Variants in ZNF892 observed in about 807,000 individuals in gnomAD.
ZNF892 encodes zinc finger protein 570-like.
chr2:95,209,190 A>C, the ZNF892 span, among the ~76,000 whole-genome samples: 1 of 152,204 alleles, frequency 6.6e-6, no homozygotes, highest in Non-Finnish European at 1.5e-5. Context: ...TTTGAAAAAC[A>C]AGAGAGAGTG....
chr2:95,240,862 A>G, the ZNF892 span, among the ~76,000 whole-genome samples: 3 of 152,156 alleles, frequency 2.0e-5, no homozygotes, highest in African/African-American at 7.2e-5. Flanking sequence ...GTCCCCCACA[A>G]TGCAGCATAG....
At chr2:95,224,991 T>A in the ZNF892 span, among the ~76,000 whole-genome samples, 2 of 152,190 alleles carry the variant, frequency 1.3e-5, no homozygotes, top group African/African-American at 2.4e-5. Flanking sequence ...GCTCCTTGAT[T>A]TTGGACTTCC....
the ZNF892 span, among the ~76,000 whole-genome samples, chr2:95,210,316 G>A: frequency 6.6e-6 from 1 of 151,568 alleles, no homozygotes; most frequent in African/African-American, 2.4e-5. Context: ...TTAAAGAGCG[G>A]TAAAACTGAT....
chr2:95,252,709 G>A, the ZNF892 span, among the ~76,000 whole-genome samples: 1 of 152,114 alleles, frequency 6.6e-6, no homozygotes, highest in African/African-American at 2.4e-5. Flanking sequence ...CCAACAGTGT[G>A]AAAGTGTTCC....
At chr2:95,249,377 A>T in the ZNF892 span, among the ~76,000 whole-genome samples, 5 of 146,692 alleles carry the variant, frequency 3.4e-5, no homozygotes, top group African/African-American at 5.0e-5. Context: ...AGTAGCTGGG[A>T]TTACAGGCGC....
chr2:95,210,151 A>G, the ZNF892 span, among the ~76,000 whole-genome samples: 8 of 148,796 alleles, frequency 5.4e-5, no homozygotes, highest in African/African-American at 7.4e-5. Flanking sequence ...GTATATATGT[A>G]TATATGTGTA....
the ZNF892 span, among the ~76,000 whole-genome samples, chr2:95,245,812 T>C: frequency 2.0e-5 from 3 of 151,954 alleles, no homozygotes; most frequent in Admixed American, 1.3e-4. Context: ...CAAGACTGAA[T>C]CAGGAAGAAA....
chr2:95,260,278 C>G, the ZNF892 span, among the ~76,000 whole-genome samples: 1 of 152,198 alleles, frequency 6.6e-6, no homozygotes, highest in Non-Finnish European at 1.5e-5. Flanking sequence ...ACACACCCAC[C>G]CTTTTTTGCT....
chr2:95,207,245 C>A, the ZNF892 span, among the ~76,000 whole-genome samples: 1 of 152,172 alleles, frequency 6.6e-6, no homozygotes, highest in African/African-American at 2.4e-5. Flanking sequence ...AGGTCAAGGG[C>A]GCCGCCTTCC....
the ZNF892 span, among the ~76,000 whole-genome samples, chr2:95,223,399 G>GA: frequency 6.6e-6 from 1 of 151,568 alleles, no homozygotes. Context: ...GGTTTTTTTG[G>GA]GGGGGAGGAG....
chr2:95,258,087 T>C, the ZNF892 span, among the ~76,000 whole-genome samples: 2 of 152,152 alleles, frequency 1.3e-5, no homozygotes, highest in Non-Finnish European at 2.9e-5. Context: ...GCACCCACTG[T>C]CCAACAATCC....
the ZNF892 span, among the ~76,000 whole-genome samples, chr2:95,217,707 G>A: frequency 3.9e-5 from 6 of 152,266 alleles, no homozygotes; most frequent in Admixed American, 6.5e-5. Context: ...CCTTCGTTTC[G>A]TCAGATCTTG....
chr2:95,238,785 A>G, the ZNF892 span, among the ~76,000 whole-genome samples: 2 of 152,318 alleles, frequency 1.3e-5, no homozygotes, highest in South Asian at 2.1e-4. Context: ...GCAGGGTTCA[A>G]GCCTTCAGTG....
the ZNF892 span, among the ~76,000 whole-genome samples, chr2:95,240,268 T>C: frequency 3.1e-4 from 47 of 152,136 alleles, no homozygotes; most frequent in African/African-American, 1.1e-3. Flanking sequence ...GGTTCTCACA[T>C]TGGGAGTGAC....
At chr2:95,252,413 A>G in the ZNF892 span, among the ~76,000 whole-genome samples, 2 of 151,900 alleles carry the variant, frequency 1.3e-5, no homozygotes, top group East Asian at 3.9e-4. Flanking sequence ...AAGGACATGA[A>G]CTCATCATTT....
At chr2:95,260,911 G>T in the ZNF892 span, among the ~76,000 whole-genome samples, 1 of 152,190 alleles carries the variant, frequency 6.6e-6, no homozygotes, top group South Asian at 2.1e-4. Context: ...GTCCTCAGTG[G>T]CTCATGAATC....
chr2:95,256,580 G>C, the ZNF892 span, among the ~76,000 whole-genome samples: 2 of 152,086 alleles, frequency 1.3e-5, no homozygotes, highest in African/African-American at 2.4e-5. Context: ...GAGTATCTTT[G>C]TCGTGTTCTC....
At chr2:95,253,680 G>A in the ZNF892 span, among the ~76,000 whole-genome samples, 1 of 152,128 alleles carries the variant, frequency 6.6e-6, no homozygotes, top group Non-Finnish European at 1.5e-5. Flanking sequence ...TGGGCAGTAT[G>A]GGCATTTTCA....
the ZNF892 span, among the ~76,000 whole-genome samples, chr2:95,213,732 G>A: frequency 6.6e-6 from 1 of 152,302 alleles, no homozygotes; most frequent in African/African-American, 2.4e-5. Flanking sequence ...CCTGGACTAT[G>A]TTGAATGCTA....
Sources: allele counts gnomAD v4.1 joint callset (sites outside exome capture counted in the v4.1 genomes callset), GRCh38; gene constraint gnomAD v4.1.1; transcripts MANE v1.5; gene names NCBI Gene and HGNC (gene_info 2026-07-23, HGNC 2026-07-21).